The following PTPRD variants were observed in gnomAD, a reference collection of about 807,000 sequenced individuals.
The protein encoded by PTPRD is receptor-type tyrosine-protein phosphatase delta.
Under a neutral mutation model 214.5 loss-of-function variants are expected in PTPRD, and 34 were observed. The ratio of observed to expected loss-of-function variants is 0.16; its 90% confidence interval spans 0.12 to 0.21. The LOEUF is 0.21. PTPRD is among the 10% of genes least tolerant of loss of function. The pLI is 1.00. For synonymous variants in PTPRD, 1,128 were observed against 845.7 expected (o/e 1.33, Z -5.79); for missense variants, 2,545 against 2,398.7 (o/e 1.06, Z -1.27).
intron 11 of PTPRD, among the ~76,000 whole-genome samples, chr9:8,979,109 T>A (rs952027811): frequency 4.6e-5 from 7 of 152,184 alleles, no homozygotes; most frequent in Non-Finnish European, 8.8e-5. Context: ...GCAGTTCAGT[T>A]CCTTATGTAC....
At chr9:9,332,577 A>G (rs1309705893) in intron 9 of PTPRD, among the ~76,000 whole-genome samples, 5 of 13,934 alleles carry the variant, frequency 3.6e-4, no homozygotes, top group Admixed American at 5.3e-4. Context: ...TAGAAGTAAG[A>G]AAAAAAAAAA....
Position 10,612,943 on chromosome 9 carries a change from G to T in PTPRD, c.-963C>A, listed in dbSNP as rs1391405847. ...GCGCGGCTGGGCGGGGAGCCGAGGC[G>T]GCCGCTCCCGCACTCGCTCGCTCGC... On this transcript the variant is annotated 5_prime_UTR_variant, in exon 1 of 46. Transcript: ENST00000381196. Among the ~76,000 whole-genome samples the T allele has an allele frequency of 6.6e-6, 1 of 151,470 alleles. No individual in the cohort carries two copies. Among genetic ancestry groups the T allele is most frequent in the African/African-American group, 2.4e-5 (1 of 41,356 alleles).
chr9:9,078,044 G>A (rs1238015945), intron 10 of PTPRD, among the ~76,000 whole-genome samples: 5 of 152,024 alleles, frequency 3.3e-5, no homozygotes, highest in East Asian at 1.9e-4. Context: ...ATTTTCAAGG[G>A]CCTTGACATT....
chr9:10,461,746 CTGAG>C (rs1201304750), intron 2 of PTPRD, among the ~76,000 whole-genome samples: 2 of 151,942 alleles, frequency 1.3e-5, no homozygotes, highest in Non-Finnish European at 2.9e-5. Context: ...TTTCAGCCTC[CTGAG>C]TAACTGGGAT....
At chr9:8,858,329 C>T (rs1363886795) in intron 11 of PTPRD, 3 of 152,756 alleles carry the variant, frequency 2.0e-5, no homozygotes, top group Admixed American at 6.6e-5. Context: ...GCGAGGTAAC[C>T]AGAAACTGAG....
At chr9:9,645,209 C>A (rs74520003) in intron 7 of PTPRD, among the ~76,000 whole-genome samples, 3 of 152,124 alleles carry the variant, frequency 2.0e-5, no homozygotes, top group East Asian at 3.9e-4. Flanking sequence ...GTTCCCAGAG[C>A]GGGTCAAGGG....
At chr9:9,990,594 C>A (rs1310958516) in intron 4 of PTPRD, among the ~76,000 whole-genome samples, 2 of 152,218 alleles carry the variant, frequency 1.3e-5, no homozygotes, top group African/African-American at 4.8e-5. Flanking sequence ...CAGGCCCCTA[C>A]ACAATCAGCT....
In PTPRD at chr9:9,323,820, T is replaced by C. The variant is rs112175609; in HGVS notation, c.-203+73629A>G. On this transcript the variant is annotated intron_variant, in intron 9 of 45. Coordinates refer to ENST00000381196, the MANE Select transcript of PTPRD (RefSeq NM_002839.4). ...ACTCGTCATTTACATTAGGTATTTC[T>C]CCTAATGCTATCCCTACCCCATCCC... Among the ~76,000 whole-genome samples, 772 of 152,312 alleles carry C rather than the reference T, an allele frequency of 5.1e-3. 5 individuals carry two copies. Among genetic ancestry groups the C allele is most frequent in the African/African-American group, 0.018 (737 of 41,576 alleles).
chr9:9,595,956 AT>A (rs764965416), intron 7 of PTPRD, among the ~76,000 whole-genome samples: 7 of 151,984 alleles, frequency 4.6e-5, no homozygotes, highest in Non-Finnish European at 8.8e-5. Context: ...TAAAAAAAAA[AT>A]AAAAAATAAA....
chr9:8,882,184 T>G (rs1006049614), intron 11 of PTPRD, among the ~76,000 whole-genome samples: 4 of 152,220 alleles, frequency 2.6e-5, no homozygotes, highest in African/African-American at 9.6e-5. Context: ...AAAGAAATAC[T>G]GTCGACTCAT....
intron 11 of PTPRD, among the ~76,000 whole-genome samples, chr9:8,753,201 C>A (rs904842165): frequency 6.6e-6 from 1 of 152,068 alleles, no homozygotes; most frequent in African/African-American, 2.4e-5. Flanking sequence ...TATTTTCTGC[C>A]ACATAGCTCA....
chr9:10,345,863 A>C lies in PTPRD; in HGVS notation c.-599-4846T>G, dbSNP rs527713170. The stretch of plus-strand genomic sequence containing the variant: ...ACATGTCTTCCACATGCTTGAAGTA[A>C]TTTACACTCCCACCAACAGTGTAAA... On this transcript the variant is annotated intron_variant, in intron 2 of 45. Transcript: ENST00000381196. Among the ~76,000 whole-genome samples, 108 of 152,224 alleles carry C rather than the reference A, an allele frequency of 7.1e-4. 2 individuals carry two copies. The South Asian group carries it at 0.022, about 31-fold the overall frequency.
intron 12 of PTPRD, among the ~76,000 whole-genome samples, chr9:8,637,057 T>C (rs1163812784): frequency 6.6e-6 from 1 of 152,160 alleles, no homozygotes; most frequent in Non-Finnish European, 1.5e-5. Flanking sequence ...AGTTATCTAT[T>C]AGTGCTTTTA....
chr9:9,775,223 A>G (rs1170963714), intron 5 of PTPRD, among the ~76,000 whole-genome samples: 1 of 152,216 alleles, frequency 6.6e-6, no homozygotes, highest in Non-Finnish European at 1.5e-5. Context: ...AGAGAATTTT[A>G]TCCATGAAGG....
chr9:8,820,501 A>G (rs190611026), intron 11 of PTPRD, among the ~76,000 whole-genome samples: 1 of 152,296 alleles, frequency 6.6e-6, no homozygotes, highest in African/African-American at 2.4e-5. Context: ...AATATTAAGA[A>G]AGTAAGTGTT....
chr9:8,935,218 CA>C (rs2098988722), intron 11 of PTPRD, among the ~76,000 whole-genome samples: 2 of 151,864 alleles, frequency 1.3e-5, no homozygotes, highest in South Asian at 4.1e-4. Flanking sequence ...AAGACTTCAC[CA>C]AAAAACTGTT....
intron 3 of PTPRD, among the ~76,000 whole-genome samples, chr9:10,115,280 G>T (rs1456093391): frequency 6.6e-6 from 1 of 151,976 alleles, no homozygotes; most frequent in Non-Finnish European, 1.5e-5. Flanking sequence ...ATATTTATCA[G>T]AGCCTTTCTG....
chr9:10,241,604 A>G (rs1333136709), intron 3 of PTPRD, among the ~76,000 whole-genome samples: 1 of 152,038 alleles, frequency 6.6e-6, no homozygotes, highest in Admixed American at 6.6e-5. Context: ...AGCACATTGC[A>G]TGATTTCAAT....
At chr9:8,713,552 G>C in intron 12 of PTPRD, 1 of 1,354,060 alleles carries the variant, frequency 7.4e-7, no homozygotes, top group Non-Finnish European at 1.1e-6. Context: ...TTCGGGATCT[G>C]GCTGCGCTGT....
Sources: gnomAD v4.1 joint callset for allele counts (sites outside exome capture counted in the v4.1 genomes callset) on GRCh38, gnomAD v4.1.1 for gene constraint, MANE v1.5 for transcripts, NCBI Gene and HGNC (gene_info 2026-07-23, HGNC 2026-07-21) for gene names.